The following ADGRV1 variants were observed in gnomAD, a reference collection of about 807,000 sequenced individuals.
The protein encoded by ADGRV1 is adhesion G protein-coupled receptor V1.
ADGRV1 carries 359 observed loss-of-function variants against 596.2 expected under a neutral mutation model. The ratio of observed to expected loss-of-function variants is 0.60; its 90% CI spans 0.55 to 0.66. ADGRV1 has a LOEUF of 0.66. Ranked by LOEUF, ADGRV1 falls within the 30% of genes least tolerant of loss-of-function variation. The probability of loss-of-function intolerance (pLI) is 0.00; values close to 1 mark genes in which losing one functional copy is unlikely to be tolerated. For missense variants in ADGRV1, 7,274 were observed against 7,575.6 expected, an observed-to-expected ratio of 0.96 and a Z score of 1.48; for synonymous variants, 2,681 against 2,679.2, an observed-to-expected ratio of 1.00 and a Z score of -0.02.
In ADGRV1 at chr5:90,683,500, G is replaced by A. The variant is rs1745209626; in HGVS notation, c.5665-86G>A. ...AAGAACTTATATAAAATAAAATTGTGCTGCTATCATTAATGTATTTATAAG... is the reference window on the plus strand; with the variant it reads ...AAGAACTTATATAAAATAAAATTGTACTGCTATCATTAATGTATTTATAAG... On this transcript the variant is annotated intron_variant, in intron 27 of 89. Transcript: ENST00000405460. 28 of 1,052,928 alleles carry A rather than the reference G, an allele frequency of 2.7e-5. No homozygotes were observed. The South Asian group carries it at 4.9e-4, about 18-fold the overall frequency. The allele number at this position is 1,052,928 out of a possible 1,614,324, so 65.2% of individuals were successfully genotyped here. A position where few individuals can be genotyped will look rare whatever the true frequency, so the allele number is the denominator to read the frequency against.
chr5:91,020,285 A>G (rs988575879), intron 85 of ADGRV1, among the ~76,000 whole-genome samples: 1 of 151,844 alleles, frequency 6.6e-6, no homozygotes, highest in Admixed American at 6.6e-5. Flanking sequence ...CCATTTCTCA[A>G]CCCTCTAAAC....
chr5:90,827,408 C>T (rs1764158319), intron 76 of ADGRV1, among the ~76,000 whole-genome samples: 1 of 152,148 alleles, frequency 6.6e-6, no homozygotes, highest in South Asian at 2.1e-4. Context: ...AGGCACCCAT[C>T]TTTACACTGT....
At chr5:90,700,422 AT>A (rs1308974939) in intron 34 of ADGRV1, among the ~76,000 whole-genome samples, 1 of 152,168 alleles carries the variant, frequency 6.6e-6, no homozygotes, top group African/African-American at 2.4e-5. Flanking sequence ...CTATTTCTAC[AT>A]TTTGTCCTAA....
chr5:90,957,781 A>C (rs982498912), intron 83 of ADGRV1, among the ~76,000 whole-genome samples: 5 of 151,390 alleles, frequency 3.3e-5, no homozygotes, highest in Non-Finnish European at 7.4e-5. Context: ...AGTAGAATAT[A>C]TGCCAGGAGA....
At chr5:90,888,264 A>G (rs888912762) in intron 83 of ADGRV1, among the ~76,000 whole-genome samples, 6 of 152,160 alleles carry the variant, frequency 3.9e-5, no homozygotes, top group African/African-American at 2.4e-5. Context: ...TGACTACCAT[A>G]TAACTCTGTG....
chr5:91,005,315 G>A (rs1782178126), intron 85 of ADGRV1, among the ~76,000 whole-genome samples: 1 of 152,014 alleles, frequency 6.6e-6, no homozygotes, highest in South Asian at 2.1e-4. Flanking sequence ...TCTTAAAATT[G>A]TATCATAACT....
intron 4 of ADGRV1, among the ~76,000 whole-genome samples, chr5:90,621,347 G>C (rs541713053): frequency 6.6e-6 from 1 of 152,284 alleles, no homozygotes; most frequent in East Asian, 1.9e-4. Flanking sequence ...GATCTTTATA[G>C]TGCAGTATCT....
chr5:90,681,704 T>C (rs1462928352), intron 27 of ADGRV1, among the ~76,000 whole-genome samples: 1 of 152,166 alleles, frequency 6.6e-6, no homozygotes, highest in East Asian at 1.9e-4. Flanking sequence ...GGAGCTGTAC[T>C]ACAAGTATTT....
chr5:91,077,676 G>T (rs964373529), intron 86 of ADGRV1, among the ~76,000 whole-genome samples: 5 of 152,242 alleles, frequency 3.3e-5, no homozygotes, highest in African/African-American at 1.2e-4. Context: ...TTGAAGGTCA[G>T]TGGCTCCTAA....
intron 84 of ADGRV1, among the ~76,000 whole-genome samples, chr5:90,970,384 C>T (rs1778853274): frequency 6.6e-6 from 1 of 152,092 alleles, no homozygotes; most frequent in African/African-American, 2.4e-5. Context: ...TAGTGGTTCT[C>T]CCAGCACAGA....
intron 21 of ADGRV1, among the ~76,000 whole-genome samples, chr5:90,660,150 A>G (rs559502072): frequency 6.6e-6 from 1 of 152,048 alleles, no homozygotes; most frequent in Admixed American, 6.6e-5. Context: ...ATAAAATAAT[A>G]CCCCCTTATC....
intron 86 of ADGRV1, among the ~76,000 whole-genome samples, chr5:91,081,347 C>G (rs1311595588): frequency 1.3e-5 from 2 of 152,168 alleles, no homozygotes; most frequent in Non-Finnish European, 2.9e-5. Flanking sequence ...CCCATCATCT[C>G]ATCCTTAGAC....
At chr5:90,577,716 C>A (rs1370571486) in intron 1 of ADGRV1, among the ~76,000 whole-genome samples, 1 of 152,156 alleles carries the variant, frequency 6.6e-6, no homozygotes, top group African/African-American at 2.4e-5. Context: ...GCATTATGGC[C>A]ATTTTCATGT....
At chr5:90,916,834 G>A (rs1398488397) in intron 83 of ADGRV1, among the ~76,000 whole-genome samples, 5 of 151,336 alleles carry the variant, frequency 3.3e-5, no homozygotes, top group South Asian at 2.1e-4. Flanking sequence ...GGGTTTCACC[G>A]TTTTAGCCAG....
At chr5:90,766,886 T>C (rs1757204913) in intron 59 of ADGRV1, among the ~76,000 whole-genome samples, 1 of 152,152 alleles carries the variant, frequency 6.6e-6, no homozygotes, top group South Asian at 2.1e-4. Context: ...TTCCTCCTCT[T>C]TCCCTTCTTT....
At chr5:90,702,431 C>T (rs1561555729) in intron 34 of ADGRV1, among the ~76,000 whole-genome samples, 1 of 151,774 alleles carries the variant, frequency 6.6e-6, no homozygotes, top group East Asian at 1.9e-4. Context: ...TTATATTATC[C>T]ACTCTCCTTA....
intron 85 of ADGRV1, among the ~76,000 whole-genome samples, chr5:91,052,525 C>A (rs1307006995): frequency 6.6e-6 from 1 of 151,840 alleles, no homozygotes; most frequent in East Asian, 1.9e-4. Flanking sequence ...GCCTCCACCT[C>A]CCGGGCTCAA....
At chr5:90,784,710 C>T (rs1027842543) in intron 67 of ADGRV1, among the ~76,000 whole-genome samples, 9 of 151,934 alleles carry the variant, frequency 5.9e-5, no homozygotes, top group Middle Eastern at 3.2e-3. Flanking sequence ...AATAGATGTT[C>T]GATCACATGG....
intron 85 of ADGRV1, among the ~76,000 whole-genome samples, chr5:91,055,178 T>C (rs1230399958): frequency 6.6e-6 from 1 of 152,152 alleles, no homozygotes; most frequent in Non-Finnish European, 1.5e-5. Context: ...TTCTGAGAAA[T>C]GGTATTAGAC....
Sources: allele counts gnomAD v4.1 joint callset (sites outside exome capture counted in the v4.1 genomes callset), GRCh38; gene constraint gnomAD v4.1.1; transcripts MANE v1.5; gene names NCBI Gene and HGNC (gene_info 2026-07-23, HGNC 2026-07-21).